The following SLC26A8 variants were observed in gnomAD, a reference collection of about 807,000 sequenced individuals.
SLC26A8 encodes the protein solute carrier family 26 member 8, also known as testis anion transporter 1.
Under a neutral mutation model 105.0 loss-of-function variants are expected in SLC26A8, and 70 were observed. The ratio of observed to expected loss-of-function variants is 0.67; its 90% CI spans 0.55 to 0.81. SLC26A8 has a LOEUF of 0.81. SLC26A8 is among the 40% of genes least tolerant of loss of function. The probability of loss-of-function intolerance (pLI) is 0.00; values close to 1 mark genes in which losing one functional copy is unlikely to be tolerated. For missense variants in SLC26A8, 998 were observed against 1,181.8 expected, an observed-to-expected ratio of 0.84 and a Z score of 2.28; for synonymous variants, 415 against 438.3, an observed-to-expected ratio of 0.95 and a Z score of 0.66.
chr6:36,014,305 G>A (rs775235344), intron 2 of SLC26A8, among the ~76,000 whole-genome samples: 3 of 152,138 alleles, frequency 2.0e-5, no homozygotes, highest in Admixed American at 6.6e-5. Context: ...CAATGGACAC[G>A]GAGTGATGAG....
At chr6:36,003,182 T>G (rs1581687019) in intron 3 of SLC26A8, among the ~76,000 whole-genome samples, 2 of 152,344 alleles carry the variant, frequency 1.3e-5, no homozygotes, top group Admixed American at 1.3e-4. Flanking sequence ...ATGTCTTTTT[T>G]GCTTTAACTT....
At chr6:36,006,909 TG>T (rs1761704360) in intron 3 of SLC26A8, among the ~76,000 whole-genome samples, 1 of 152,166 alleles carries the variant, frequency 6.6e-6, no homozygotes, top group African/African-American at 2.4e-5. Context: ...TATCAATAGA[TG>T]CAAAAAAAAT....
chr6:36,020,829 G>T (rs1036455029), intron 1 of SLC26A8, among the ~76,000 whole-genome samples: 5 of 151,992 alleles, frequency 3.3e-5, no homozygotes, highest in African/African-American at 2.4e-5. Context: ...AAAATATATT[G>T]GTAAACCCTC....
Position 35,944,177 on chromosome 6 carries a change from T to C in SLC26A8, c.2636A>G (p.Asp879Gly). The change falls in exon 20 of 20, where the codon GAT (aspartate) becomes GGT (glycine). Residue 879 changes from aspartate (D) to glycine (G), a missense_variant. Coordinates refer to ENST00000490799, the MANE Select transcript of SLC26A8 (RefSeq NM_052961.4). ...EAGLGLDLDL[D>G]RELEPEMEPK... The stretch of plus-strand genomic sequence containing the variant: ...CTCCATTTCAGGCTCCAGCTCCCGA[T>C]CCAGGTCTAGGTCCAGACCCAGCCC... 3.7e-6 allele frequency: 6 copies of C among 1,614,124 alleles called. No individual in the cohort carries two copies. The highest frequency in any genetic ancestry group is 5.1e-6 in the Non-Finnish European group (6 of 1,180,022).
chr6:35,949,794 G>A (rs1771796916), intron 19 of SLC26A8, among the ~76,000 whole-genome samples: 1 of 151,438 alleles, frequency 6.6e-6, no homozygotes, highest in African/African-American at 2.4e-5. Flanking sequence ...CAGTTAACTA[G>A]TTGTGTGTGT....
At chr6:36,000,530 T>C (rs952755014) in intron 3 of SLC26A8, among the ~76,000 whole-genome samples, 2 of 152,218 alleles carry the variant, frequency 1.3e-5, no homozygotes, top group African/African-American at 4.8e-5. Context: ...CTTCACTGAC[T>C]TGAAGTTGGT....
chr6:35,986,593 A>G (rs188886272), intron 7 of SLC26A8, among the ~76,000 whole-genome samples: 1 of 152,322 alleles, frequency 6.6e-6, no homozygotes, highest in African/African-American at 2.4e-5. Flanking sequence ...CAATGAGATC[A>G]TGCAGTACTT....
intron 10 of SLC26A8, among the ~76,000 whole-genome samples, chr6:35,975,009 C>T (rs374346643): frequency 5.3e-5 from 8 of 151,932 alleles, no homozygotes; most frequent in East Asian, 3.9e-4. Flanking sequence ...CCACCCACTT[C>T]GGCCTTCTAA....
At chr6:36,016,881 C>A (rs2127374428) in intron 2 of SLC26A8, among the ~76,000 whole-genome samples, 1 of 152,128 alleles carries the variant, frequency 6.6e-6, no homozygotes, top group South Asian at 2.1e-4. Context: ...TGAAAATATG[C>A]ATGATCTTGG....
intron 5 of SLC26A8, among the ~76,000 whole-genome samples, chr6:35,992,984 T>C (rs1761220812): frequency 6.6e-6 from 1 of 152,026 alleles, no homozygotes; most frequent in Admixed American, 6.6e-5. Context: ...GACAAGGTGA[T>C]CAGAACAAGC....
chr6:36,018,816 T>A (rs1309898491), intron 2 of SLC26A8, among the ~76,000 whole-genome samples: 1 of 152,180 alleles, frequency 6.6e-6, no homozygotes, highest in Non-Finnish European at 1.5e-5. Context: ...TCAGAGGTGG[T>A]GGTGGTAGAT....
At chr6:35,946,917 T>C (rs1771696805) in intron 19 of SLC26A8, among the ~76,000 whole-genome samples, 1 of 152,172 alleles carries the variant, frequency 6.6e-6, no homozygotes, top group Admixed American at 6.5e-5. Context: ...CTGAAATTCC[T>C]GGCCTCAAGT....
rs777143522 is a variant in SLC26A8, at chr6:35,980,750, C to T, written c.1025+1371G>A. Reference sequence around the variant, plus strand: ...ACATTTGCCCGGGTGTGGTGACTCACGCCTGTAATCCCAGCACTTTGGGAG... The same window carrying T: ...ACATTTGCCCGGGTGTGGTGACTCATGCCTGTAATCCCAGCACTTTGGGAG... On this transcript the variant is annotated intron_variant, in intron 8 of 19. Transcript: ENST00000490799. Among the ~76,000 whole-genome samples the T allele has an allele frequency of 3.3e-5, 5 of 152,114 alleles. No individual in the cohort carries two copies. The East Asian group carries it at 5.8e-4, about 18-fold the overall frequency.
At chr6:35,991,597 A>T in intron 7 of SLC26A8, 62 bp downstream of exon 7, 9 of 1,342,324 alleles carry the variant, frequency 6.7e-6, no homozygotes, top group Non-Finnish European at 9.0e-6. Context: ...AATTCAACTC[A>T]GCATTTTTTT....
intron 7 of SLC26A8, among the ~76,000 whole-genome samples, chr6:35,988,930 T>A (rs1168194143): frequency 6.8e-6 from 1 of 147,706 alleles, no homozygotes; most frequent in Non-Finnish European, 1.5e-5. Context: ...AAGCTCTGCC[T>A]CCCAGGTTCA....
intron 19 of SLC26A8, among the ~76,000 whole-genome samples, chr6:35,949,398 C>A (rs1771781031): frequency 6.6e-6 from 1 of 151,962 alleles, no homozygotes; most frequent in South Asian, 2.1e-4. Flanking sequence ...TGCCATTGCA[C>A]TCCAGCCTGG....
At chr6:35,965,536 G>T (rs1181941805) in intron 11 of SLC26A8, among the ~76,000 whole-genome samples, 1 of 151,804 alleles carries the variant, frequency 6.6e-6, no homozygotes, top group Admixed American at 6.6e-5. Flanking sequence ...AAAAAAGTTA[G>T]CCGGGTGTGG....
At chr6:36,020,065 A>G (rs985659542) in intron 1 of SLC26A8, among the ~76,000 whole-genome samples, 1 of 152,346 alleles carries the variant, frequency 6.6e-6, no homozygotes, top group African/African-American at 2.4e-5. Context: ...TTCACTGAAA[A>G]TGCTCACTAT....
In SLC26A8 at chr6:36,000,108, C is replaced by G. The variant is rs758369045; in HGVS notation, c.329G>C (p.Gly110Ala). Reference sequence around the variant, plus strand: ...CCTTGCCAGCAAACTAAGTGTCAGGCCTGAAAAACAAGATAATTTAAGAAA... The same window carrying G: ...CCTTGCCAGCAAACTAAGTGTCAGGGCTGAAAAACAAGATAATTTAAGAAA... ...ISVGLVQVPQ[G>A]LTLSLLARQL... Residue 110 changes from glycine (G) to alanine (A), a missense_variant and splice_region_variant, in exon 4 of 20, where the codon GGC (glycine) becomes GCC (alanine). Physicochemically the swap from Gly to Ala is moderately conservative, Grantham distance 60 (BLOSUM62 0). Transcript: ENST00000490799. The G allele has an allele frequency of 6.2e-7, 1 of 1,602,860 alleles. No individual in the cohort carries two copies. Among genetic ancestry groups the G allele is most frequent in the Non-Finnish European group, 8.5e-7 (1 of 1,171,334 alleles).
Sources: allele counts gnomAD v4.1 joint callset (sites outside exome capture counted in the v4.1 genomes callset), GRCh38; gene constraint gnomAD v4.1.1; transcripts MANE v1.5; gene names NCBI Gene and HGNC (gene_info 2026-07-23, HGNC 2026-07-21).